FUT8: variants seen among roughly 807,000 people sequenced by gnomAD.
FUT8 encodes the protein fucosyltransferase 8.
FUT8 carries 29 observed loss-of-function variants against 71.3 expected under a neutral mutation model. The observed-to-expected ratio is 0.41, with a 90% CI of 0.30 to 0.55. FUT8 has a LOEUF of 0.55. Among genes scored for constraint, FUT8 ranks in the 20% least tolerant of loss-of-function variants. The probability of loss-of-function intolerance (pLI) is 0.34; values close to 1 mark genes in which losing one functional copy is unlikely to be tolerated. For missense variants in FUT8, 544 were observed against 702.1 expected (o/e 0.77, Z 2.55); for synonymous variants, 254 against 239.3 (o/e 1.06, Z -0.57).
At chr14:65,521,770 T>C (rs577873371) in intron 2 of FUT8, among the ~76,000 whole-genome samples, 163 of 152,348 alleles carry the variant, frequency 1.1e-3, no homozygotes, top group Admixed American at 2.4e-3. Flanking sequence ...GAGATTTACT[T>C]GTCTTGCTTA....
chr14:65,359,859 T>C, the FUT8 span, among the ~76,000 whole-genome samples: 1 of 152,026 alleles, frequency 6.6e-6, no homozygotes, highest in Non-Finnish European at 1.5e-5. Context: ...GGAGTCTTGC[T>C]CTATCACCCA....
chr14:65,633,820 C>T (rs1291208384), intron 6 of FUT8, among the ~76,000 whole-genome samples: 5 of 152,072 alleles, frequency 3.3e-5, no homozygotes, highest in Non-Finnish European at 7.4e-5. Context: ...GCGTCTCCGC[C>T]CGGCAGCCAC....
chr14:65,633,782 G>A lies in FUT8; in HGVS notation c.597+4176G>A, dbSNP rs540968388. On this transcript the variant is annotated intron_variant, in intron 6 of 10. Coordinates refer to ENST00000673929, the MANE Select transcript of FUT8 (RefSeq NM_001371533.1). ...TGAGAAGTGAGGAGCCCCTCCGCCCGGCAGCCACCCCGTCTGAGAAGTGAG... is the reference window on the plus strand; with the variant it reads ...TGAGAAGTGAGGAGCCCCTCCGCCCAGCAGCCACCCCGTCTGAGAAGTGAG... Among the ~76,000 whole-genome samples the A allele has an allele frequency of 2.6e-3, 391 of 151,974 alleles. 5 individuals carry two copies. Among genetic ancestry groups the A allele is most frequent in the African/African-American group, 8.9e-3 (369 of 41,480 alleles).
intron 3 of FUT8, among the ~76,000 whole-genome samples, chr14:65,593,528 G>A (rs1413682284): frequency 6.6e-6 from 1 of 151,930 alleles, no homozygotes; most frequent in Non-Finnish European, 1.5e-5. Context: ...AATTAAAATA[G>A]CCGTAAAATG....
intron 2 of FUT8, among the ~76,000 whole-genome samples, chr14:65,475,753 A>G (rs563722050): frequency 7.8e-4 from 119 of 152,038 alleles, no homozygotes; most frequent in African/African-American, 2.8e-3. Context: ...ACTGCAATCC[A>G]GCCTCCGCAA....
At chr14:65,650,299 A>C (rs1287808742) in intron 6 of FUT8, among the ~76,000 whole-genome samples, 57 of 27,494 alleles carry the variant, frequency 2.1e-3, no homozygotes, top group African/African-American at 5.0e-3. Flanking sequence ...ACTCTGTCTC[A>C]AAAAAAAAAA....
At chr14:65,692,119 C>T (rs1893644135) in intron 7 of FUT8, among the ~76,000 whole-genome samples, 1 of 151,842 alleles carries the variant, frequency 6.6e-6, no homozygotes, top group African/African-American at 2.4e-5. Flanking sequence ...CTGTTGGGTA[C>T]ACCTCCCAGA....
the FUT8 span, among the ~76,000 whole-genome samples, chr14:65,365,766 C>A: frequency 6.6e-6 from 1 of 152,066 alleles, no homozygotes; most frequent in Admixed American, 6.6e-5. Context: ...AATAAATAAC[C>A]ATATAAATGG....
At chr14:65,519,602 A>T (rs1482513715) in intron 2 of FUT8, among the ~76,000 whole-genome samples, 1 of 152,022 alleles carries the variant, frequency 6.6e-6, no homozygotes, top group Non-Finnish European at 1.5e-5. Flanking sequence ...TTCTGGATAA[A>T]TTTTTTTAAA....
chr14:65,373,492 T>A, the FUT8 span, among the ~76,000 whole-genome samples: 1 of 151,800 alleles, frequency 6.6e-6, no homozygotes, highest in Admixed American at 6.6e-5. Flanking sequence ...AAGACCAAAC[T>A]CCAGGGGAAC....
intron 2 of FUT8, among the ~76,000 whole-genome samples, chr14:65,474,589 AAAAT>A (rs146945706): frequency 0.015 from 2,341 of 152,042 alleles, 49 homozygotes; most frequent in East Asian, 0.089. Flanking sequence ...CTCTGTCTCA[AAAAT>A]AAATAAATAA....
At chr14:65,733,180 A>G in intron 9 of FUT8, 51 bp from the exon 10 acceptor site, 3 of 1,205,940 alleles carry the variant, frequency 2.5e-6, no homozygotes, top group Non-Finnish European at 2.3e-6. Context: ...CTGCCTTCTG[A>G]TAGGATACTG....
In FUT8 at chr14:65,451,091, C is replaced by T. The variant is rs145886971; in HGVS notation, c.-325-4530C>T. Among the ~76,000 whole-genome samples the T allele has an allele frequency of 3.9e-5, 6 of 152,246 alleles. No homozygotes were observed. In the East Asian group the frequency reaches 9.7e-4, roughly 25 times the overall value. Reference sequence around the variant, plus strand: ...CAGGATGGTCTTGATCTCCTGACCTCGTGATCCGCCCGCCTCAGCCTCCCA... The same window carrying T: ...CAGGATGGTCTTGATCTCCTGACCTTGTGATCCGCCCGCCTCAGCCTCCCA... On this transcript the variant is annotated intron_variant, in intron 1 of 10. Coordinates refer to ENST00000673929, the MANE Select transcript of FUT8 (RefSeq NM_001371533.1).
At chr14:65,433,530 G>T (rs2065507988) in intron 1 of FUT8, among the ~76,000 whole-genome samples, 1 of 152,206 alleles carries the variant, frequency 6.6e-6, no homozygotes, top group Non-Finnish European at 1.5e-5. Flanking sequence ...ATTTGTGAAA[G>T]AGCATGCAAT....
chr14:65,407,856 C>T (rs2065093593), upstream of FUT8, among the ~76,000 whole-genome samples: 1 of 152,138 alleles, frequency 6.6e-6, no homozygotes. Context: ...AGGTTAGTTC[C>T]TCTTGCAAGA....
At chr14:65,412,550 G>A (rs972593635), upstream of FUT8, 5 of 352,540 alleles carry the variant, frequency 1.4e-5, no homozygotes, top group African/African-American at 4.3e-5. Context: ...GAACTGTGCC[G>A]TCCCGCTGTG....
intron 6 of FUT8, among the ~76,000 whole-genome samples, chr14:65,639,778 G>A (rs547395719): frequency 6.6e-6 from 1 of 152,198 alleles, no homozygotes; most frequent in African/African-American, 2.4e-5. Context: ...TGTACTACCA[G>A]TGCTACTTAC....
At chr14:65,693,494 G>C (rs1029886963) in intron 7 of FUT8, among the ~76,000 whole-genome samples, 2 of 152,236 alleles carry the variant, frequency 1.3e-5, no homozygotes, top group Admixed American at 6.5e-5. Flanking sequence ...CGGCATCACA[G>C]GGAGACCGTG....
the FUT8 span, among the ~76,000 whole-genome samples, chr14:65,403,318 C>T: frequency 2.0e-5 from 3 of 152,136 alleles, no homozygotes; most frequent in Admixed American, 2.0e-4. Flanking sequence ...CCCAAGGTCT[C>T]ACAGCTATTA....
Sources: gnomAD v4.1 joint callset for allele counts (sites outside exome capture counted in the v4.1 genomes callset) on GRCh38, gnomAD v4.1.1 for gene constraint, MANE v1.5 for transcripts, NCBI Gene and HGNC (gene_info 2026-07-23, HGNC 2026-07-21) for gene names.